The following CACNA1S variants were observed in gnomAD, a reference collection of about 807,000 sequenced individuals.
CACNA1S encodes voltage-dependent L-type calcium channel subunit alpha-1S.
A neutral mutation model predicts 207.4 loss-of-function variants in CACNA1S; 126 were observed. That is an observed-to-expected ratio of 0.61 (90% confidence interval 0.53 to 0.70). CACNA1S has a LOEUF of 0.70. CACNA1S is among the 30% of genes least tolerant of loss of function. The pLI is 0.00. For synonymous variants in CACNA1S, 960 were observed against 932.7 expected, an observed-to-expected ratio of 1.03 and a Z score of -0.53; for missense variants, 2,349 against 2,422.8, an observed-to-expected ratio of 0.97 and a Z score of 0.64.
chr1:201,077,191 G>C, intron 11 of CACNA1S, 64 bp from the exon 12 acceptor site: 3 of 1,396,954 alleles, frequency 2.1e-6, no homozygotes, highest in Non-Finnish European at 3.0e-6. Context: ...CACGAGGTGT[G>C]GACAGGCTTG....
At chr1:201,103,244 C>CAAAAAAA (rs1176886702) in intron 2 of CACNA1S, among the ~76,000 whole-genome samples, 1 of 118,434 alleles carries the variant, frequency 8.4e-6, no homozygotes, top group African/African-American at 3.2e-5. Flanking sequence ...GACTTGGTCT[C>CAAAAAAA]AAAAAAAAAA....
Position 201,048,610 on chromosome 1 carries a change from G to T in CACNA1S, c.4413C>A (p.Val1471=). ...VTFNATLFAL[V]RTALKIKTEG... ...CCGTCTTGATCTTGAGTGCCGTGCG[G>T]ACCAGGGCAAAGAGTGTGGCATTGA... The change falls in exon 36 of 44, where the codon GTC becomes GTA. Residue 1471 remains valine, a synonymous_variant. Coordinates refer to ENST00000362061, the MANE Select transcript of CACNA1S (RefSeq NM_000069.3). 6.2e-7 allele frequency: 1 copy of T among 1,613,882 alleles called. No homozygotes were observed. The highest frequency in any genetic ancestry group is 8.5e-7 in the Non-Finnish European group (1 of 1,179,934).
Position 201,062,575 on chromosome 1 carries a change from A to G in CACNA1S, c.2854-61T>C, listed in dbSNP as rs1572036482. 7.2e-6 allele frequency: 11 copies of G among 1,532,684 alleles called. No individual in the cohort carries two copies. The East Asian group carries it at 2.5e-4, about 35-fold the overall frequency. 94.9% of individuals were successfully genotyped at this position (1,532,684 alleles called of 1,614,324 possible). A position where few individuals can be genotyped will look rare whatever the true frequency, so the allele number is the denominator to read the frequency against. Reference sequence around the variant, plus strand: ...TGTTGTCATGGAAACAGGATAGAAAAGTGGGCTCTGGGAGTGAACAGTGGA... The same window carrying G: ...TGTTGTCATGGAAACAGGATAGAAAGGTGGGCTCTGGGAGTGAACAGTGGA... On this transcript the variant is annotated intron_variant, in intron 22 of 43. Coordinates refer to ENST00000362061, the MANE Select transcript of CACNA1S (RefSeq NM_000069.3).
intron 6 of CACNA1S, 21 bp downstream of exon 6, chr1:201,089,237 C>T (rs370776656): frequency 1.4e-5 from 23 of 1,610,090 alleles, no homozygotes; most frequent in Non-Finnish European, 2.0e-5. Flanking sequence ...GATGGTTCTG[C>T]AGGCGCGGGC....
chr1:201,075,502 A>G lies in CACNA1S; in HGVS notation c.1941T>C (p.Cys647=). The change falls in exon 13 of 44, where the codon TGT becomes TGC. Residue 647 remains cysteine (C), a synonymous_variant. Coordinates refer to ENST00000362061, the MANE Select transcript of CACNA1S (RefSeq NM_000069.3). The part of the protein sequence containing the change: ...VCIYFIILFV[C]GNYILLNVFL... ...CTGCTCCCGAGAGGATACAGTTGCC[A>G]CAGACGAAAAGGATGATGAAGTAAA... 1 of 1,601,332 alleles carries G rather than the reference A, an allele frequency of 6.2e-7. No homozygotes were observed. The highest frequency in any genetic ancestry group is 8.5e-7 in the Non-Finnish European group (1 of 1,177,090).
At chr1:201,064,951 C>G (rs12565866) in intron 22 of CACNA1S, among the ~76,000 whole-genome samples, 9,902 of 152,182 alleles carry the variant, frequency 0.065, 559 homozygotes, top group African/African-American at 0.15. Context: ...CTGACGGAGG[C>G]GGAGTGTGGG....
chr1:201,090,772 T>C (rs1259742724), intron 5 of CACNA1S, among the ~76,000 whole-genome samples: 1 of 152,178 alleles, frequency 6.6e-6, no homozygotes, highest in African/African-American at 2.4e-5. Flanking sequence ...ACATGAGTTG[T>C]GATTTGGCAG....
chr1:201,065,464 G>A lies in CACNA1S; in HGVS notation c.2853+374C>T, dbSNP rs1040192757. Among the ~76,000 whole-genome samples, 13 of 152,296 alleles carry A rather than the reference G, an allele frequency of 8.5e-5. No homozygotes were observed. The East Asian group carries it at 1.9e-3, about 23-fold the overall frequency. On this transcript the variant is annotated intron_variant, in intron 22 of 43. Coordinates refer to ENST00000362061, the MANE Select transcript of CACNA1S (RefSeq NM_000069.3). Reference sequence around the variant, plus strand: ...AACTAACCGTTTTCTTGTTTTGTTTGATAGAATTCTAAGTGCATGACAATA... The same window carrying A: ...AACTAACCGTTTTCTTGTTTTGTTTAATAGAATTCTAAGTGCATGACAATA...
intron 22 of CACNA1S, among the ~76,000 whole-genome samples, chr1:201,065,402 T>C (rs772665554): frequency 5.9e-5 from 9 of 152,248 alleles, no homozygotes; most frequent in East Asian, 1.9e-4. Flanking sequence ...TATTTATAGA[T>C]TGAAGTTTCA....
chr1:201,094,968 C>G (rs187338091), intron 2 of CACNA1S, among the ~76,000 whole-genome samples: 1 of 152,024 alleles, frequency 6.6e-6, no homozygotes, highest in South Asian at 2.1e-4. Context: ...GGACTCCAGG[C>G]TGAAACTGCT....
chr1:201,079,599 G>C (rs918472306), intron 10 of CACNA1S, among the ~76,000 whole-genome samples: 1 of 124,572 alleles, frequency 8.0e-6, no homozygotes, highest in Admixed American at 1.1e-4. Flanking sequence ...ATCGCAGAGC[G>C]CTTTGACCGC....
intron 32 of CACNA1S, 44 bp from the exon 33 acceptor site, chr1:201,051,187 G>C: frequency 6.2e-7 from 1 of 1,610,674 alleles, no homozygotes; most frequent in African/African-American, 1.3e-5. Flanking sequence ...GCTCCTGCCT[G>C]GCCCCTCAGA....
At chr1:201,094,046 C>A in intron 2 of CACNA1S, 25 bp from the exon 3 acceptor site, 1 of 1,614,006 alleles carries the variant, frequency 6.2e-7, no homozygotes, top group Non-Finnish European at 8.5e-7. Flanking sequence ...GTGGTCACAG[C>A]ATGCCTCTGT....
chr1:201,070,743 G>A (rs1174821354), intron 16 of CACNA1S, among the ~76,000 whole-genome samples: 2 of 152,136 alleles, frequency 1.3e-5, no homozygotes. Context: ...GGGAAACGCT[G>A]CTTCAGAAGA....
chr1:201,058,939 A>C (rs918921553), intron 27 of CACNA1S, among the ~76,000 whole-genome samples: 1 of 152,210 alleles, frequency 6.6e-6, no homozygotes, highest in African/African-American at 2.4e-5. Context: ...ACTTCAGAGC[A>C]GGCGAGAATG....
chr1:201,059,337 C>T (rs1025829463), intron 26 of CACNA1S, 38 bp from the exon 27 acceptor site: 44 of 1,383,664 alleles, frequency 3.2e-5, no homozygotes, highest in Middle Eastern at 2.0e-4. Flanking sequence ...TCAGGGGGGC[C>T]GGGTTTGCCC....
rs1354900779 is a variant in CACNA1S, at chr1:201,090,005, T to C, written c.695-542A>G. On this transcript the variant is annotated intron_variant, in intron 5 of 43. Coordinates refer to ENST00000362061, the MANE Select transcript of CACNA1S (RefSeq NM_000069.3). ...TTTGTTCCCCTGGATGATGCTTTCT[T>C]GTCTCTAAAATCCTGTACTTCTGAT... Among the ~76,000 whole-genome samples, 6 of 152,274 alleles carry C rather than the reference T, an allele frequency of 3.9e-5. No homozygotes were observed. The East Asian group carries it at 1.2e-3, about 29-fold the overall frequency.
chr1:201,102,577 C>A (rs1662718069), intron 2 of CACNA1S, among the ~76,000 whole-genome samples: 2 of 152,194 alleles, frequency 1.3e-5, no homozygotes, highest in South Asian at 2.1e-4. Context: ...CCATACCCAA[C>A]ACGCATCCCA....
chr1:201,102,420 C>T lies in CACNA1S; in HGVS notation c.258+7744G>A, dbSNP rs561006035. Among the ~76,000 whole-genome samples the T allele has an allele frequency of 6.6e-5, 10 of 152,236 alleles. No homozygotes were observed. In the East Asian group the frequency reaches 1.4e-3, roughly 21 times the overall value. Reference sequence around the variant, plus strand: ...GTAAGAGGCAGGCCCTCGTCAGCCTCGGATACTGTCTCCTACTCCCAACCC... The same window carrying T: ...GTAAGAGGCAGGCCCTCGTCAGCCTTGGATACTGTCTCCTACTCCCAACCC... On this transcript the variant is annotated intron_variant, in intron 2 of 43. Coordinates refer to ENST00000362061, the MANE Select transcript of CACNA1S (RefSeq NM_000069.3).
Sources: gnomAD v4.1 joint callset for allele counts (sites outside exome capture counted in the v4.1 genomes callset) on GRCh38, gnomAD v4.1.1 for gene constraint, MANE v1.5 for transcripts, NCBI Gene and HGNC (gene_info 2026-07-23, HGNC 2026-07-21) for gene names.